The following PRKAR1B variants were observed in gnomAD, a reference collection of about 807,000 sequenced individuals.
PRKAR1B encodes cAMP-dependent protein kinase type I-beta regulatory subunit.
Under a neutral mutation model 46.5 loss-of-function variants are expected in PRKAR1B, and 22 were observed. The ratio of observed to expected loss-of-function variants is 0.47; its 90% CI spans 0.34 to 0.68. The LOEUF is 0.68. Ranked by LOEUF, PRKAR1B falls within the 30% of genes least tolerant of loss-of-function variation. The pLI is 0.01. For missense variants in PRKAR1B, 445 were observed against 535.6 expected, an observed-to-expected ratio of 0.83 and a Z score of 1.67; for synonymous variants, 259 against 217.7, an observed-to-expected ratio of 1.19 and a Z score of -1.67.
Position 715,721 on chromosome 7 carries a change from A to T in PRKAR1B, c.-22-4194T>A, listed in dbSNP as rs1045572466. On this transcript the variant is annotated intron_variant, in intron 1 of 10. Transcript: ENST00000537384. ...AACTCCAACCAAAGAGCCACATTTT[A>T]TTTTTTTTTTTTGAGACAGAGTCTC... 1.6e-4 allele frequency among the ~76,000 whole-genome samples: 23 copies of T among 146,294 alleles called. 1 individual carries two copies. The highest frequency in any genetic ancestry group is 1.0e-3 in the Admixed American group (15 of 14,658).
chr7:671,438 G>A (rs1204244042), intron 4 of PRKAR1B, among the ~76,000 whole-genome samples: 3 of 152,170 alleles, frequency 2.0e-5, no homozygotes, highest in South Asian at 4.1e-4. Flanking sequence ...GGGTGTTTGG[G>A]TGGGGTTTTG....
chr7:689,474 A>C (rs941802517), intron 2 of PRKAR1B, among the ~76,000 whole-genome samples: 3 of 152,130 alleles, frequency 2.0e-5, no homozygotes, highest in Non-Finnish European at 4.4e-5. Flanking sequence ...ATAATAAACA[A>C]AAAAATTATT....
chr7:678,712 G>C (rs925693153), intron 3 of PRKAR1B, among the ~76,000 whole-genome samples: 1 of 152,274 alleles, frequency 6.6e-6, no homozygotes, highest in Non-Finnish European at 1.5e-5. Flanking sequence ...GTGTAACGCA[G>C]AGAGCCCCTG....
chr7:584,244 C>T (rs1395874571), intron 8 of PRKAR1B, among the ~76,000 whole-genome samples: 1 of 152,200 alleles, frequency 6.6e-6, no homozygotes, highest in African/African-American at 2.4e-5. Context: ...AGACAGGAAA[C>T]GCACAGGATG....
At chr7:620,233 T>C (rs1207907494) in intron 4 of PRKAR1B, among the ~76,000 whole-genome samples, 1 of 152,166 alleles carries the variant, frequency 6.6e-6, no homozygotes. Flanking sequence ...AAGGTAGAGA[T>C]TAATGTGAGG....
rs192826932 is a variant in PRKAR1B, at chr7:580,150, G to C, written c.770-773C>G. On this transcript the variant is annotated intron_variant, in intron 8 of 10. Transcript: ENST00000537384. ...GGAGGATGAGGCAAAAGGATCACTT[G>C]AGCGCGGGAGGTCGCGGCTGCAGTG... Among the ~76,000 whole-genome samples, 417 of 151,586 alleles carry C rather than the reference G, an allele frequency of 2.8e-3. 1 individual carries two copies. Among genetic ancestry groups the C allele is most frequent in the Non-Finnish European group, 4.5e-3 (305 of 67,942 alleles).
chr7:618,595 C>T (rs756621296), intron 4 of PRKAR1B, among the ~76,000 whole-genome samples: 2 of 152,196 alleles, frequency 1.3e-5, no homozygotes, highest in Non-Finnish European at 2.9e-5. Flanking sequence ...ACCACATTGC[C>T]TGACACGTTG....
At chr7:551,072 C>T (rs1005627026) in intron 10 of PRKAR1B, among the ~76,000 whole-genome samples, 1 of 152,098 alleles carries the variant, frequency 6.6e-6, no homozygotes, top group Non-Finnish European at 1.5e-5. Context: ...CCACCCCCAG[C>T]TGCAGGAATG....
intron 6 of PRKAR1B, 32 bp downstream of exon 6, chr7:606,161 C>T (rs373620682): frequency 1.3e-5 from 21 of 1,612,550 alleles, no homozygotes; most frequent in Non-Finnish European, 1.8e-5. Context: ...CAAAGACGCG[C>T]TATTTTCCAA....
intron 4 of PRKAR1B, among the ~76,000 whole-genome samples, chr7:672,502 A>T (rs1213773723): frequency 6.6e-6 from 1 of 151,988 alleles, no homozygotes; most frequent in Non-Finnish European, 1.5e-5. Context: ...CACCCACCGC[A>T]CTGTTCCCAC....
intron 2 of PRKAR1B, among the ~76,000 whole-genome samples, chr7:693,090 A>G (rs1194584771): frequency 2.0e-5 from 3 of 151,672 alleles, no homozygotes; most frequent in South Asian, 4.2e-4. Flanking sequence ...GCCCACCACC[A>G]CACCCAGCTA....
At chr7:725,718 T>A (rs1481560545) in intron 1 of PRKAR1B, among the ~76,000 whole-genome samples, 1 of 152,128 alleles carries the variant, frequency 6.6e-6, no homozygotes. Flanking sequence ...GTGGTTTGAG[T>A]CATGCAGCTA....
chr7:660,621 C>T (rs1346293880), intron 4 of PRKAR1B, among the ~76,000 whole-genome samples: 75 of 122,206 alleles, frequency 6.1e-4, no homozygotes, highest in Non-Finnish European at 8.7e-4. Context: ...ACTCTCCCCC[C>T]CATAGCACAA....
chr7:578,400 C>T (rs1288425271), intron 9 of PRKAR1B, among the ~76,000 whole-genome samples: 1 of 152,222 alleles, frequency 6.6e-6, no homozygotes, highest in African/African-American at 2.4e-5. Flanking sequence ...GCAAAAATGA[C>T]TCACACACAC....
At chr7:727,547 A>C, upstream of PRKAR1B, 3 of 222,520 alleles carry the variant, frequency 1.3e-5, no homozygotes, top group Non-Finnish European at 1.6e-5. Flanking sequence ...TCCCGCCACC[A>C]ACGCGCCCTT....
chr7:678,712 G>A (rs925693153), intron 3 of PRKAR1B, among the ~76,000 whole-genome samples: 2 of 152,274 alleles, frequency 1.3e-5, no homozygotes, highest in Admixed American at 6.5e-5. Context: ...GTGTAACGCA[G>A]AGAGCCCCTG....
intron 4 of PRKAR1B, among the ~76,000 whole-genome samples, chr7:660,180 G>A (rs1275984652): frequency 5.9e-5 from 9 of 151,996 alleles, no homozygotes; most frequent in Admixed American, 5.2e-4. Flanking sequence ...GCCTTCTCCC[G>A]GCTCCATGTT....
At chr7:600,018 T>C (rs897488226) in intron 6 of PRKAR1B, among the ~76,000 whole-genome samples, 7 of 151,322 alleles carry the variant, frequency 4.6e-5, no homozygotes, top group African/African-American at 1.7e-4. Context: ...AAGTCAATGG[T>C]GGGACAGGGG....
intron 4 of PRKAR1B, among the ~76,000 whole-genome samples, chr7:672,568 G>C (rs964956200): frequency 9.9e-5 from 15 of 152,048 alleles, no homozygotes; most frequent in African/African-American, 3.4e-4. Flanking sequence ...CATTACTGTT[G>C]CTAGAAATAA....
Sources: allele counts gnomAD v4.1 joint callset (sites outside exome capture counted in the v4.1 genomes callset), GRCh38; gene constraint gnomAD v4.1.1; transcripts MANE v1.5; gene names NCBI Gene and HGNC (gene_info 2026-07-23, HGNC 2026-07-21).